Variants in SHANK2 observed in about 807,000 individuals in gnomAD.
SHANK2 encodes SH3 and multiple ankyrin repeat domains 2, also known as SH3 and multiple ankyrin repeat domains protein 2.
SHANK2 carries 43 observed loss-of-function variants against 133.7 expected under a neutral mutation model. That is an observed-to-expected ratio of 0.32 (90% CI 0.25 to 0.41). The LOEUF is 0.41. Among genes scored for constraint, SHANK2 ranks in the 10% least tolerant of loss-of-function variants. The pLI is 1.00. For missense variants in SHANK2, 1,994 were observed against 2,235.8 expected (o/e 0.89, Z 2.18); for synonymous variants, 1,017 against 952.8 (o/e 1.07, Z -1.24).
In SHANK2 at chr11:70,492,377, C is replaced by A; in HGVS notation, c.2397G>T (p.Gln799His). 1 of 1,613,216 alleles carries A rather than the reference C, an allele frequency of 6.2e-7. No homozygotes were observed. The change falls in exon 22 of 26, where the codon CAG (glutamine) becomes CAT (histidine). Residue 799 changes from glutamine to histidine, a missense_variant. Around this residue, in one of 5 missense-constraint regions of SHANK2, gnomAD observed 488 missense variants for 642.6 expected, o/e 0.76. Coordinates refer to ENST00000601538, the MANE Select transcript of SHANK2 (RefSeq NM_012309.5). ...CCGGGAAGCACCGGCTGCTGGGCCG[C>A]TGCTTGATGGTCGCCACCCTCGGTT... is the stretch of plus-strand genomic sequence containing the variant. ...AVEPRVATIK[Q>H]RPSSRCFPAG...
At chr11:70,696,300 C>T (rs985363288) in intron 15 of SHANK2, among the ~76,000 whole-genome samples, 9 of 152,220 alleles carry the variant, frequency 5.9e-5, no homozygotes, top group Admixed American at 5.2e-4. Context: ...ACCTTTACTA[C>T]AACACCCTAG....
At chr11:71,080,898 CGGGCAGCG>C (rs1951290565) in intron 8 of SHANK2, among the ~76,000 whole-genome samples, 1 of 152,190 alleles carries the variant, frequency 6.6e-6, no homozygotes, top group African/African-American at 2.4e-5. Context: ...TGCAGGAACA[CGGGCAGCG>C]GACGGGCTGT....
chr11:70,765,057 G>A (rs933592049), intron 14 of SHANK2, among the ~76,000 whole-genome samples: 7 of 152,302 alleles, frequency 4.6e-5, no homozygotes, highest in South Asian at 2.1e-4. Flanking sequence ...TGTTTTGATC[G>A]GGGAGAGAAG....
chr11:70,671,872 G>A (rs961034144), intron 15 of SHANK2, among the ~76,000 whole-genome samples: 3 of 152,078 alleles, frequency 2.0e-5, no homozygotes, highest in East Asian at 1.9e-4. Flanking sequence ...GCCCAAACCC[G>A]AGGAGCTGTC....
At chr11:70,515,495 A>G (rs2059251966) in intron 17 of SHANK2, among the ~76,000 whole-genome samples, 1 of 151,916 alleles carries the variant, frequency 6.6e-6, no homozygotes, top group Admixed American at 6.6e-5. Flanking sequence ...TTATCTTTCA[A>G]TCTATCTTTC....
intron 1 of SHANK2, among the ~76,000 whole-genome samples, chr11:71,242,292 CTACAGA>C (rs1954903408): frequency 6.6e-6 from 1 of 152,118 alleles, no homozygotes; most frequent in South Asian, 2.1e-4. Flanking sequence ...CTGAAGAGTT[CTACAGA>C]TACATGGTGA....
intron 10 of SHANK2, among the ~76,000 whole-genome samples, chr11:70,946,259 C>CCTCTCTGCTAACCAACCCTTCCCT (rs1950731305): frequency 8.3e-6 from 1 of 121,012 alleles, no homozygotes; most frequent in Non-Finnish European, 1.7e-5. Flanking sequence ...CAACCCTTTC[C>CCTCTCTGCTAACCAACCCTTCCCT]AGGCTCAACC....
At chr11:70,806,859 C>A in intron 13 of SHANK2, 143 bp downstream of exon 13, 1 of 595,764 alleles carries the variant, frequency 1.7e-6, no homozygotes, top group Admixed American at 3.1e-5. Flanking sequence ...GGGAACGTCA[C>A]TCTGTTCCCC....
At chr11:70,741,816 A>G (rs1249827575) in intron 14 of SHANK2, among the ~76,000 whole-genome samples, 1 of 152,212 alleles carries the variant, frequency 6.6e-6, no homozygotes, top group Non-Finnish European at 1.5e-5. Flanking sequence ...CTACTTTTCT[A>G]AGAAGTCACA....
At chr11:71,070,465 G>A (rs1377748868) in intron 9 of SHANK2, among the ~76,000 whole-genome samples, 1 of 152,222 alleles carries the variant, frequency 6.6e-6, no homozygotes, top group Non-Finnish European at 1.5e-5. Context: ...AGACAGAAGA[G>A]GGGGCACACA....
At chr11:70,825,392 C>A (rs538190797) in intron 11 of SHANK2, among the ~76,000 whole-genome samples, 1 of 152,228 alleles carries the variant, frequency 6.6e-6, no homozygotes, top group East Asian at 1.9e-4. Context: ...ATATACATTC[C>A]TAAGACTCTG....
intron 9 of SHANK2, among the ~76,000 whole-genome samples, chr11:71,057,954 C>T (rs1950941974): frequency 7.2e-6 from 1 of 139,542 alleles, no homozygotes; most frequent in East Asian, 2.1e-4. Flanking sequence ...CAGTCTGTCA[C>T]CCAGGCTAGA....
rs782788810 is a variant in SHANK2, at chr11:70,490,378, C to T, written c.2449G>A (p.Glu817Lys). ...GTCATCACGGCGATTCCTTGGCGTT[C>T]GTACACAGACTGCAAACCAGAGAGC... The part of the protein sequence containing the change: ...PAGSDMNSVY[E>K]RQGIAVMTPT... The change falls in exon 23 of 26, where the codon GAA becomes AAA. Residue 817 changes from glutamate to lysine, a missense_variant. This residue lies in a region of SHANK2 where 488 missense variants were observed against 642.6 expected (regional missense o/e 0.76). Coordinates refer to ENST00000601538, the MANE Select transcript of SHANK2 (RefSeq NM_012309.5). The T allele has an allele frequency of 6.2e-7, 1 of 1,614,148 alleles. No individual in the cohort carries two copies. The highest frequency in any genetic ancestry group is 1.1e-5 in the South Asian group (1 of 91,088).
intron 10 of SHANK2, among the ~76,000 whole-genome samples, chr11:70,928,961 A>ATGCAGACCCTGGGGGAG (rs1283604545): frequency 3.3e-5 from 5 of 152,134 alleles, no homozygotes; most frequent in African/African-American, 1.2e-4. Flanking sequence ...ACAAATGGTA[A>ATGCAGACCCTGGGGGAG]TGCAGACCCT....
chr11:70,521,361 T>C (rs1046980009), intron 17 of SHANK2, among the ~76,000 whole-genome samples: 1 of 152,236 alleles, frequency 6.6e-6, no homozygotes, highest in Non-Finnish European at 1.5e-5. Context: ...GACATGCAAA[T>C]TGCCACTTGA....
At chr11:70,860,727 G>T (rs919713389) in intron 11 of SHANK2, among the ~76,000 whole-genome samples, 1 of 152,122 alleles carries the variant, frequency 6.6e-6, no homozygotes, top group Non-Finnish European at 1.5e-5. Context: ...AGAAATACAC[G>T]CAAGGGGCCT....
intron 14 of SHANK2, among the ~76,000 whole-genome samples, chr11:70,789,256 G>A (rs781870946): frequency 6.6e-6 from 1 of 152,182 alleles, no homozygotes; most frequent in Non-Finnish European, 1.5e-5. Context: ...AGGCTCAAAT[G>A]AGGTCCTGTC....
intron 8 of SHANK2, among the ~76,000 whole-genome samples, chr11:71,083,982 G>GA (rs1245931844): frequency 5.4e-5 from 8 of 147,250 alleles, no homozygotes; most frequent in Non-Finnish European, 1.2e-4. Context: ...TTTTTTTTGG[G>GA]GGGGGGAGAC....
chr11:70,679,734 G>T (rs1025928127), intron 15 of SHANK2, among the ~76,000 whole-genome samples: 6 of 152,362 alleles, frequency 3.9e-5, no homozygotes, highest in African/African-American at 1.4e-4. Flanking sequence ...GTATCATGAG[G>T]ATGTCTGTGG....
Sources: allele counts gnomAD v4.1 joint callset (sites outside exome capture counted in the v4.1 genomes callset), GRCh38; gene constraint gnomAD v4.1.1; regional missense constraint gnomAD v4.1.1; transcripts MANE v1.5; gene names NCBI Gene and HGNC (gene_info 2026-07-23, HGNC 2026-07-21).